Variants in ATP2B2 observed in about 807,000 individuals in gnomAD.
The protein encoded by ATP2B2 is ATPase plasma membrane Ca2+ transporting 2.
In ATP2B2, 15 loss-of-function variants were observed where a neutral mutation model predicts 120.0. The ratio of observed to expected loss-of-function variants is 0.12; its 90% confidence interval spans 0.08 to 0.19. ATP2B2 has a LOEUF of 0.19. Ranked by LOEUF, ATP2B2 falls within the 10% of genes least tolerant of loss-of-function variation. ATP2B2 has a pLI of 1.00. For synonymous variants in ATP2B2, 694 were observed against 700.3 expected (o/e 0.99, Z 0.14); for missense variants, 1,045 against 1,719.8 (o/e 0.61, Z 6.94).
chr3:10,413,883 G>A (rs2062695733), intron 2 of ATP2B2, among the ~76,000 whole-genome samples: 1 of 152,216 alleles, frequency 6.6e-6, no homozygotes, highest in East Asian at 1.9e-4. Flanking sequence ...AGGGAGAAGG[G>A]AGAGTTCAAG....
chr3:10,450,185 T>G (rs757147105), intron 1 of ATP2B2, among the ~76,000 whole-genome samples: 11 of 152,116 alleles, frequency 7.2e-5, no homozygotes, highest in Non-Finnish European at 1.2e-4. Flanking sequence ...CATGTCCTTG[T>G]GTCCTGTGCC....
At chr3:10,677,260 C>T (rs765324459) in intron 1 of ATP2B2, among the ~76,000 whole-genome samples, 5 of 152,158 alleles carry the variant, frequency 3.3e-5, no homozygotes, top group Non-Finnish European at 5.9e-5. Flanking sequence ...CATACAAAGA[C>T]ATGGAGGAAT....
chr3:10,346,112 C>T lies in ATP2B2; in HGVS notation c.2430G>A (p.Glu810=), dbSNP rs552865073. The stretch of plus-strand genomic sequence containing the variant: ...CCGTCACGGCCACCACCTGCCGCTG[C>T]TCAGTGTGTGTGCTGTCGATGATGC... ...VKGIIDSTHT[E]QRQVVAVTGD... Residue 810 remains glutamate, a synonymous_variant, in exon 17 of 23, where the codon GAG becomes GAA. Transcript: ENST00000360273. This position sits in a 1 kb window ranked among gnomAD's most constrained non-coding sequence, Gnocchi z 4.1. 2 of 1,611,894 alleles carry T rather than the reference C, an allele frequency of 1.2e-6. No individual in the cohort carries two copies. Among genetic ancestry groups the T allele is most frequent in the African/African-American group, 1.3e-5 (1 of 75,066 alleles).
intron 12 of ATP2B2, among the ~76,000 whole-genome samples, chr3:10,366,054 C>T (rs2061047206): frequency 6.6e-6 from 1 of 152,140 alleles, no homozygotes; most frequent in African/African-American, 2.4e-5. Flanking sequence ...CAGGGCCCAC[C>T]TCCGGACCTC....
chr3:10,351,506 C>T (rs1052819749), intron 14 of ATP2B2, among the ~76,000 whole-genome samples: 8 of 152,196 alleles, frequency 5.3e-5, no homozygotes, highest in African/African-American at 1.2e-4. Context: ...CTCAGTCTGA[C>T]GTTCCCTCCC....
chr3:10,527,022 G>T (rs1326293041), intron 3 of ATP2B2, among the ~76,000 whole-genome samples: 1 of 152,160 alleles, frequency 6.6e-6, no homozygotes, highest in Non-Finnish European at 1.5e-5. Flanking sequence ...GGGTCAAAGG[G>T]TCGAGAGCGT....
chr3:10,524,101 A>T (rs1386759146), intron 3 of ATP2B2, among the ~76,000 whole-genome samples: 1 of 152,100 alleles, frequency 6.6e-6, no homozygotes, highest in African/African-American at 2.4e-5. Context: ...AGAGATGAAC[A>T]TGTGGCCACT....
Position 10,625,003 on chromosome 3 carries a change from G to A in ATP2B2, c.-459-5042C>T, listed in dbSNP as rs555217797. Among the ~76,000 whole-genome samples, 7 of 152,254 alleles carry A rather than the reference G, an allele frequency of 4.6e-5. No individual in the cohort carries two copies. In the South Asian group the frequency reaches 6.2e-4, roughly 14 times the overall value. ...TTTCTGTGTCCTTAACAGAGCTGGC[G>A]GCAGCTTTGGTATTTCAAATGTCCT... On this transcript the variant is annotated intron_variant, in intron 1 of 21. Coordinates refer to the ATP2B2 transcript ENST00000646379.
At chr3:10,597,063 C>CCACACACACACACA (rs58466640) in intron 2 of ATP2B2, among the ~76,000 whole-genome samples, 6 of 142,846 alleles carry the variant, frequency 4.2e-5, no homozygotes, top group Non-Finnish European at 7.7e-5. Context: ...ACACACAGGG[C>CCACACACACACACA]CACACACACA....
intron 3 of ATP2B2, among the ~76,000 whole-genome samples, chr3:10,517,787 G>C (rs2066905699): frequency 6.6e-6 from 1 of 152,222 alleles, no homozygotes; most frequent in Non-Finnish European, 1.5e-5. Context: ...GATGTGAACT[G>C]GGTGTCACGT....
chr3:10,500,120 T>C (rs1163759075), intron 1 of ATP2B2, among the ~76,000 whole-genome samples: 1 of 151,920 alleles, frequency 6.6e-6, no homozygotes, highest in African/African-American at 2.4e-5. Flanking sequence ...GTATTTTTAG[T>C]AGAAACGGGG....
intron 2 of ATP2B2, among the ~76,000 whole-genome samples, chr3:10,443,178 TCTC>T (rs1462557939): frequency 6.6e-6 from 1 of 152,092 alleles, no homozygotes; most frequent in African/African-American, 2.4e-5. Context: ...TCCTCAGCTG[TCTC>T]CTCAATTCTG....
At chr3:10,564,306 C>A (rs1194740986) in intron 2 of ATP2B2, among the ~76,000 whole-genome samples, 2 of 152,218 alleles carry the variant, frequency 1.3e-5, no homozygotes, top group African/African-American at 4.8e-5. Context: ...CAATTCCCTG[C>A]ATTAAATTTC....
intron 1 of ATP2B2, among the ~76,000 whole-genome samples, chr3:10,625,267 T>C (rs1316782436): frequency 6.6e-6 from 1 of 152,198 alleles, no homozygotes; most frequent in Non-Finnish European, 1.5e-5. Context: ...TTATACTTGA[T>C]AGTGCCCCAG....
At chr3:10,391,927 G>A (rs2061864624) in intron 5 of ATP2B2, among the ~76,000 whole-genome samples, 1 of 152,156 alleles carries the variant, frequency 6.6e-6, no homozygotes, top group South Asian at 2.1e-4. Flanking sequence ...GGGCCTTGGT[G>A]TCTACCTCCC....
At chr3:10,696,266 T>C (rs1278675524) in intron 1 of ATP2B2, among the ~76,000 whole-genome samples, 2 of 152,242 alleles carry the variant, frequency 1.3e-5, no homozygotes, top group African/African-American at 4.8e-5. Flanking sequence ...GGGGATTTCA[T>C]AGACATGTTC....
chr3:10,444,721 C>G (rs565886495), intron 2 of ATP2B2, among the ~76,000 whole-genome samples: 2 of 152,288 alleles, frequency 1.3e-5, no homozygotes, highest in Admixed American at 6.5e-5. Flanking sequence ...AGGAAGTGAG[C>G]AATGAGGGCT....
At chr3:10,576,603 C>A (rs2068253734) in intron 2 of ATP2B2, among the ~76,000 whole-genome samples, 1 of 152,054 alleles carries the variant, frequency 6.6e-6, no homozygotes, top group African/African-American at 2.4e-5. Context: ...TGGTCTTCAA[C>A]TCCTGGCCTC....
intron 6 of ATP2B2, among the ~76,000 whole-genome samples, chr3:10,387,582 T>C (rs1489112957): frequency 6.6e-6 from 1 of 152,244 alleles, no homozygotes. Flanking sequence ...AGCCTGGGCC[T>C]TTGGATTTGG....
Sources: gnomAD v4.1 joint callset for allele counts (sites outside exome capture counted in the v4.1 genomes callset) on GRCh38, gnomAD v4.1.1 for gene constraint, Gnocchi (gnomAD v3.1) non-coding constraint, MANE v1.5 for transcripts, NCBI Gene and HGNC (gene_info 2026-07-23, HGNC 2026-07-21) for gene names.